Variants in AK9 observed in about 807,000 individuals in gnomAD.
The protein encoded by AK9 is adenylate kinase 9.
In AK9, 191 loss-of-function variants were observed where a neutral mutation model predicts 239.6. That is an observed-to-expected ratio of 0.80 (90% CI 0.71 to 0.90). AK9 has a LOEUF of 0.90. AK9 is among the 40% of genes least tolerant of loss of function. The pLI, the probability that AK9 is intolerant of heterozygous loss-of-function variation, is 0.00. For synonymous variants in AK9, 689 were observed against 721.0 expected (o/e 0.96, Z 0.71); for missense variants, 1,995 against 2,214.7 (o/e 0.90, Z 1.99).
intron 3 of AK9, among the ~76,000 whole-genome samples, chr6:109,673,200 T>C (rs1305364040): frequency 6.6e-6 from 1 of 152,088 alleles, no homozygotes; most frequent in Admixed American, 6.6e-5. Flanking sequence ...AAGAAACTTT[T>C]AGAGTTGTGT....
At position 109,657,677 on chromosome 6, in the gene AK9, C is replaced by A. The variant is rs138035005; in HGVS notation, c.631-793G>T. ...AACTCGTCATTTACATTAGGTATAT[C>A]TCCTAATGCTATCCCTCCTGCCTCC... On this transcript the variant is annotated intron_variant, in intron 7 of 40. Coordinates refer to ENST00000424296, the MANE Select transcript of AK9 (RefSeq NM_001145128.3). Among the ~76,000 whole-genome samples, 1,044 of 151,848 alleles carry A rather than the reference C, an allele frequency of 6.9e-3. 13 individuals carry two copies. The highest frequency in any genetic ancestry group is 0.024 in the African/African-American group (1,010 of 41,374).
intron 17 of AK9, among the ~76,000 whole-genome samples, chr6:109,590,887 CT>C (rs763908758): frequency 6.6e-6 from 1 of 152,086 alleles, no homozygotes; most frequent in Non-Finnish European, 1.5e-5. Flanking sequence ...CAAGAAGGTA[CT>C]TTACATTATT....
intron 12 of AK9, among the ~76,000 whole-genome samples, chr6:109,629,694 G>C (rs1305117852): frequency 2.0e-5 from 3 of 151,464 alleles, no homozygotes; most frequent in African/African-American, 7.3e-5. Context: ...GTGCAGCGGC[G>C]CGATCTCGGC....
At chr6:109,636,710 A>G (rs1048300686) in intron 10 of AK9, among the ~76,000 whole-genome samples, 4 of 147,004 alleles carry the variant, frequency 2.7e-5, no homozygotes, top group African/African-American at 7.5e-5. Flanking sequence ...TTTATCATAT[A>G]TAAGAATTTT....
At chr6:109,684,805 C>T (rs1421061723) in intron 1 of AK9, among the ~76,000 whole-genome samples, 6 of 126,470 alleles carry the variant, frequency 4.7e-5, no homozygotes, top group South Asian at 5.4e-4. Context: ...ACCCGGGAGG[C>T]AGAGCTTGCA....
intron 24 of AK9, among the ~76,000 whole-genome samples, chr6:109,559,998 C>A (rs750744692): frequency 6.6e-6 from 1 of 152,198 alleles, no homozygotes; most frequent in Non-Finnish European, 1.5e-5. Flanking sequence ...CACCTTCTCT[C>A]TGACTTCCTG....
At chr6:109,636,824 C>T (rs1796778480) in intron 10 of AK9, among the ~76,000 whole-genome samples, 1 of 149,502 alleles carries the variant, frequency 6.7e-6, no homozygotes, top group Non-Finnish European at 1.5e-5. Flanking sequence ...ATTGGGTTAT[C>T]TCCACCTTCT....
In AK9 at chr6:109,623,581, C is replaced by G. The variant is rs571896361; in HGVS notation, c.1255-4345G>C. Among the ~76,000 whole-genome samples, 10 of 152,154 alleles carry G rather than the reference C, an allele frequency of 6.6e-5. No homozygotes were observed. The East Asian group carries it at 1.5e-3, about 24-fold the overall frequency. On this transcript the variant is annotated intron_variant, in intron 12 of 40. Transcript: ENST00000424296. ...CTCATGAAAGCATTTAGGACAGAAC[C>G]ATGTAGCTAAGCCACTCCTGAATTC...
rs1289993427 is a variant in AK9, at chr6:109,614,423, A to G, written c.1457T>C (p.Phe486Ser). The G allele has an allele frequency of 1.3e-6, 2 of 1,551,212 alleles. No homozygotes were observed. The highest frequency in any genetic ancestry group is 3.9e-5 in the Admixed American group (2 of 50,968). Residue 486 changes from phenylalanine to serine, a missense_variant, in exon 14 of 41, where the codon TTC becomes TCC. Around this residue, in one of 5 missense-constraint regions of AK9, gnomAD observed 1,290 missense variants for 1,392.7 expected, o/e 0.93. Transcript: ENST00000424296. ...TGATGAGTGTGTTGCCTCCATTGGG[A>G]ATACTCCAAACTCCATTTTTTCATA... ...RQYEKMEFGV[F>S]PMEATHSSID...
At chr6:109,576,291 C>G (rs1241454747) in intron 20 of AK9, among the ~76,000 whole-genome samples, 1 of 151,622 alleles carries the variant, frequency 6.6e-6, no homozygotes, top group Non-Finnish European at 1.5e-5. Flanking sequence ...CTCATGGATT[C>G]TACCCATCCA....
chr6:109,682,382 G>C (rs770095874), intron 1 of AK9, among the ~76,000 whole-genome samples: 2 of 140,462 alleles, frequency 1.4e-5, no homozygotes, highest in Non-Finnish European at 3.0e-5. Context: ...AGCCGAGATC[G>C]GGCCACTGCA....
At chr6:109,658,820 TA>T (rs140804781) in intron 7 of AK9, among the ~76,000 whole-genome samples, 4,458 of 146,436 alleles carry the variant, frequency 0.03, 98 homozygotes, top group East Asian at 0.11. Context: ...AAGCTTAAAT[TA>T]AAAAAAAAAA....
At chr6:109,559,094 C>T (rs1357095522) in intron 24 of AK9, among the ~76,000 whole-genome samples, 8 of 151,810 alleles carry the variant, frequency 5.3e-5, no homozygotes, top group African/African-American at 1.2e-4. Context: ...TCAAGTGATC[C>T]GCCTGACTCG....
chr6:109,632,125 C>T (rs1377911522), intron 12 of AK9: 57 of 981,356 alleles, frequency 5.8e-5, no homozygotes, highest in Non-Finnish European at 6.7e-5. Context: ...GTTCATTTTG[C>T]GGTAACTCAG....
intron 5 of AK9, among the ~76,000 whole-genome samples, chr6:109,664,054 C>A (rs1436757799): frequency 6.6e-6 from 1 of 152,132 alleles, no homozygotes; most frequent in Non-Finnish European, 1.5e-5. Flanking sequence ...TAAAGCAATG[C>A]CACTTTTCTA....
intron 25 of AK9, among the ~76,000 whole-genome samples, chr6:109,546,869 G>A (rs1030875079): frequency 1.6e-4 from 24 of 152,054 alleles, no homozygotes; most frequent in African/African-American, 5.1e-4. Context: ...TAAACGTCTC[G>A]CAACTAGGGC....
At chr6:109,684,923 G>GATATGAAC (rs1305000478) in intron 1 of AK9, among the ~76,000 whole-genome samples, 2 of 122,738 alleles carry the variant, frequency 1.6e-5, no homozygotes, top group Non-Finnish European at 3.4e-5. Context: ...GTAGGCAAAG[G>GATATGAAC]ATATGAACAG....
chr6:109,610,649 G>A (rs1793466110), intron 16 of AK9, 136 bp from the exon 17 acceptor site: 1 of 986,226 alleles, frequency 1.0e-6, no homozygotes, highest in East Asian at 2.7e-5. Context: ...GTTGGAAGGA[G>A]GGAGAAATAA....
At chr6:109,607,633 C>T (rs1047706326) in intron 17 of AK9, among the ~76,000 whole-genome samples, 8 of 152,028 alleles carry the variant, frequency 5.3e-5, no homozygotes, top group African/African-American at 1.9e-4. Context: ...TGAGGATATC[C>T]ACTGAGGGTA....
Sources: allele counts gnomAD v4.1 joint callset (sites outside exome capture counted in the v4.1 genomes callset), GRCh38; gene constraint gnomAD v4.1.1; regional missense constraint gnomAD v4.1.1; transcripts MANE v1.5; gene names NCBI Gene and HGNC (gene_info 2026-07-23, HGNC 2026-07-21).